Variants in NCAM2 observed in about 807,000 individuals in gnomAD.
The protein encoded by NCAM2 is neural cell adhesion molecule 2.
NCAM2 carries 30 observed loss-of-function variants against 98.1 expected under a neutral mutation model. The ratio of observed to expected loss-of-function variants is 0.31; its 90% CI spans 0.23 to 0.41. NCAM2 has a LOEUF of 0.41. NCAM2 is among the 10% of genes least tolerant of loss of function. The pLI is 1.00. For synonymous variants in NCAM2, 368 were observed against 342.4 expected, an observed-to-expected ratio of 1.07 and a Z score of -0.83; for missense variants, 867 against 1,005.8, an observed-to-expected ratio of 0.86 and a Z score of 1.87.
intron 1 of NCAM2, among the ~76,000 whole-genome samples, chr21:21,154,928 G>A (rs2067567243): frequency 6.6e-6 from 1 of 151,788 alleles, no homozygotes. Flanking sequence ...GGCAGGGAGT[G>A]GGCTTTTGCT....
At chr21:21,503,037 T>C (rs973926712) in intron 15 of NCAM2, among the ~76,000 whole-genome samples, 2 of 151,974 alleles carry the variant, frequency 1.3e-5, no homozygotes, top group African/African-American at 2.4e-5. Context: ...ATATAATACA[T>C]TTCATGGACA....
chr21:21,495,483 A>G (rs1987158833), intron 15 of NCAM2, among the ~76,000 whole-genome samples: 2 of 152,042 alleles, frequency 1.3e-5, no homozygotes, highest in Non-Finnish European at 2.9e-5. Context: ...AACCATTGTG[A>G]CGATTCTGCT....
intron 1 of NCAM2, among the ~76,000 whole-genome samples, chr21:21,010,853 G>A (rs1601082202): frequency 6.6e-6 from 1 of 152,060 alleles, no homozygotes; most frequent in African/African-American, 2.4e-5. Context: ...CAGTAGAAAC[G>A]CATGCAGGGA....
At position 20,998,518 on chromosome 21, in the gene NCAM2, T is replaced by C; in HGVS notation, c.-46T>C. The C allele has an allele frequency of 6.3e-7, 1 of 1,597,566 alleles. No individual in the cohort carries two copies. Among genetic ancestry groups the C allele is most frequent in the Non-Finnish European group, 8.6e-7 (1 of 1,165,688 alleles). ...CAGCGAAAGGTTCTCTCTCCAGGGC[T>C]GGACTTAATAACTTTGAAACTGTCC... On this transcript the variant is annotated 5_prime_UTR_variant, in exon 1 of 18. Coordinates refer to ENST00000400546, the MANE Select transcript of NCAM2 (RefSeq NM_004540.5).
At chr21:21,430,050 TAG>T (rs2077297562) in intron 11 of NCAM2, among the ~76,000 whole-genome samples, 1 of 151,964 alleles carries the variant, frequency 6.6e-6, no homozygotes, top group South Asian at 2.1e-4. Flanking sequence ...ATTTTTGAGA[TAG>T]AGTCTCTCTC....
chr21:21,350,576 A>C (rs1223535030), intron 8 of NCAM2, among the ~76,000 whole-genome samples: 1 of 152,206 alleles, frequency 6.6e-6, no homozygotes, highest in East Asian at 1.9e-4. Flanking sequence ...TGAACTGTGC[A>C]TATGAATACA....
chr21:21,227,808 A>C (rs571114941), intron 1 of NCAM2, among the ~76,000 whole-genome samples: 1 of 152,004 alleles, frequency 6.6e-6, no homozygotes, highest in South Asian at 2.1e-4. Flanking sequence ...TCAGCCTACA[A>C]GTTAGAAAAG....
chr21:21,406,108 G>T (rs972890688), intron 9 of NCAM2, among the ~76,000 whole-genome samples: 1 of 152,028 alleles, frequency 6.6e-6, no homozygotes, highest in African/African-American at 2.4e-5. Flanking sequence ...ATTATTCCGA[G>T]ACCTGTTAAA....
At chr21:21,477,224 A>AT in intron 14 of NCAM2, 67 bp from the exon 15 acceptor site, 3 of 1,252,064 alleles carry the variant, frequency 2.4e-6, no homozygotes, top group South Asian at 1.9e-5. Context: ...TTCCAATATA[A>AT]TTTTTTTAAA....
At position 21,541,811 on chromosome 21, in the gene NCAM2, T is replaced by A. The variant is rs1351531089; in HGVS notation, c.*3854T>A. The A allele has an allele frequency of 3.3e-5, 5 of 151,726 alleles. No individual in the cohort carries two copies. The highest frequency in any genetic ancestry group is 7.4e-5 in the Non-Finnish European group (5 of 67,754). 9.4% of individuals were successfully genotyped at this position (151,726 alleles called of 1,614,324 possible). ...AAATAAGGTAAACATTCAACTTAAA[T>A]CCCCCATGAAGTTTTTTCATGCTCA... On this transcript the variant is annotated 3_prime_UTR_variant, in exon 18 of 18. Transcript: ENST00000400546.
At chr21:21,055,613 A>G (rs2065194525) in intron 1 of NCAM2, among the ~76,000 whole-genome samples, 1 of 152,076 alleles carries the variant, frequency 6.6e-6, no homozygotes, top group South Asian at 2.1e-4. Context: ...CTTCTTAGTA[A>G]TATGTAAAAA....
chr21:21,253,101 A>T (rs1168356627), intron 1 of NCAM2, among the ~76,000 whole-genome samples: 4 of 152,088 alleles, frequency 2.6e-5, no homozygotes, highest in African/African-American at 9.7e-5. Context: ...GCTTCTTCTA[A>T]AGTCCTTTTA....
chr21:21,350,597 G>A (rs938996673), intron 8 of NCAM2, among the ~76,000 whole-genome samples: 22 of 152,188 alleles, frequency 1.4e-4, no homozygotes, highest in Non-Finnish European at 2.9e-4. Context: ...GCACAAAATA[G>A]CTTTGCATAA....
rs979704067 is a variant in NCAM2, at chr21:21,510,872, C to T, written c.2282+1817C>T. On this transcript the variant is annotated intron_variant, in intron 16 of 17. Transcript: ENST00000400546. Reference sequence around the variant, plus strand: ...ACAAGCTGAGCATGCCCATTTTTAACGCTCAAATCAAGAAAAAGAACTTTA... The same window carrying T: ...ACAAGCTGAGCATGCCCATTTTTAATGCTCAAATCAAGAAAAAGAACTTTA... Among the ~76,000 whole-genome samples, 9 of 152,076 alleles carry T rather than the reference C, an allele frequency of 5.9e-5. No homozygotes were observed. The South Asian group carries it at 6.2e-4, about 11-fold the overall frequency.
intron 1 of NCAM2, among the ~76,000 whole-genome samples, chr21:21,254,748 T>C (rs1418616115): frequency 1.3e-5 from 2 of 152,064 alleles, no homozygotes; most frequent in African/African-American, 4.8e-5. Context: ...GCATGAAGTA[T>C]GTGTAGGGGT....
intron 1 of NCAM2, among the ~76,000 whole-genome samples, chr21:21,193,071 C>T (rs962335983): frequency 6.6e-6 from 1 of 152,134 alleles, no homozygotes; most frequent in Non-Finnish European, 1.5e-5. Flanking sequence ...TAAATAGATA[C>T]TGGCTGTAAA....
At chr21:21,015,297 G>T (rs777880138) in intron 1 of NCAM2, among the ~76,000 whole-genome samples, 1 of 152,144 alleles carries the variant, frequency 6.6e-6, no homozygotes. Flanking sequence ...AGAGAAGTAC[G>T]TTAGGAAAGG....
At chr21:21,137,032 A>G (rs1198831832) in intron 1 of NCAM2, among the ~76,000 whole-genome samples, 1 of 151,974 alleles carries the variant, frequency 6.6e-6, no homozygotes, top group Non-Finnish European at 1.5e-5. Context: ...TTTTTAGTAG[A>G]GGCAGGTTTC....
At chr21:21,300,169 AG>A (rs902052234) in intron 5 of NCAM2, among the ~76,000 whole-genome samples, 2 of 147,534 alleles carry the variant, frequency 1.4e-5, no homozygotes, top group African/African-American at 5.0e-5. Flanking sequence ...CTTAAAAAAA[AG>A]GATATGGTGC....
Sources: allele counts gnomAD v4.1 joint callset (sites outside exome capture counted in the v4.1 genomes callset), GRCh38; gene constraint gnomAD v4.1.1; transcripts MANE v1.5; gene names NCBI Gene and HGNC (gene_info 2026-07-23, HGNC 2026-07-21).